Variants in CLCN3 observed in about 807,000 individuals in gnomAD.
CLCN3 encodes Cl-/H+ antiporter 3, also known as H(+)/Cl(-) exchange transporter 3.
Under a neutral mutation model 83.4 loss-of-function variants are expected in CLCN3, and 16 were observed. The ratio of observed to expected loss-of-function variants is 0.19; its 90% CI spans 0.13 to 0.29. CLCN3 has a LOEUF of 0.29. Among genes scored for constraint, CLCN3 ranks in the 10% least tolerant of loss-of-function variants. The pLI, the probability that CLCN3 is intolerant of heterozygous loss-of-function variation, is 1.00. For missense variants in CLCN3, 544 were observed against 1,006.0 expected, an observed-to-expected ratio of 0.54 and a Z score of 6.21; for synonymous variants, 322 against 346.2, an observed-to-expected ratio of 0.93 and a Z score of 0.78.
chr4:169,690,405 C>A, intron 5 of CLCN3, 125 bp from the exon 6 acceptor site: 1 of 945,700 alleles, frequency 1.1e-6, no homozygotes, highest in Non-Finnish European at 1.5e-6. Flanking sequence ...CTCAACCTCC[C>A]CAGTGCTGGG....
At chr4:169,656,227 A>G (rs1730878374) in intron 2 of CLCN3, among the ~76,000 whole-genome samples, 1 of 152,248 alleles carries the variant, frequency 6.6e-6, no homozygotes. Context: ...TAATTTATAA[A>G]GAAAAGAGAT....
intron 2 of CLCN3, among the ~76,000 whole-genome samples, chr4:169,671,590 T>TTTAA (rs1731460089): frequency 6.6e-6 from 1 of 152,172 alleles, no homozygotes; most frequent in Admixed American, 6.5e-5. Context: ...ATTCTGAACA[T>TTTAA]GTATCCCAGA....
At chr4:169,636,500 A>G (rs1385031436) in intron 2 of CLCN3, among the ~76,000 whole-genome samples, 2 of 152,152 alleles carry the variant, frequency 1.3e-5, no homozygotes, top group Non-Finnish European at 2.9e-5. Context: ...TTCCACCTTC[A>G]GTTTCAATAT....
chr4:169,698,367 C>T (rs1233121814), intron 9 of CLCN3, among the ~76,000 whole-genome samples: 1 of 152,156 alleles, frequency 6.6e-6, no homozygotes, highest in Non-Finnish European at 1.5e-5. Context: ...TGGGATCAAT[C>T]ACGCATACTG....
chr4:169,689,563 A>C (rs1732285771), intron 5 of CLCN3, among the ~76,000 whole-genome samples: 1 of 152,216 alleles, frequency 6.6e-6, no homozygotes, highest in Non-Finnish European at 1.5e-5. Context: ...AAGATTGGGA[A>C]GTTTGAATTA....
intron 1 of CLCN3, among the ~76,000 whole-genome samples, chr4:169,632,885 A>G (rs1459873196): frequency 6.6e-6 from 1 of 152,126 alleles, no homozygotes; most frequent in Admixed American, 6.5e-5. Context: ...CTTTTTGGAA[A>G]AAAAAACTGT....
intron 3 of CLCN3, among the ~76,000 whole-genome samples, chr4:169,682,291 A>T (rs78525012): frequency 6.6e-6 from 1 of 152,208 alleles, no homozygotes; most frequent in Non-Finnish European, 1.5e-5. Context: ...GACTCTAAGT[A>T]TTGGGAACCT....
intron 3 of CLCN3, chr4:169,680,493 G>C: frequency 4.0e-6 from 1 of 248,778 alleles, no homozygotes; most frequent in Non-Finnish European, 7.6e-6. Context: ...GGAGTTGGGG[G>C]GAAGAACAAG....
At chr4:169,677,214 A>G (rs1581237180) in intron 2 of CLCN3, among the ~76,000 whole-genome samples, 7 of 152,230 alleles carry the variant, frequency 4.6e-5, no homozygotes, top group Admixed American at 3.9e-4. Flanking sequence ...TATCTGCTAC[A>G]CTGTAAAGTG....
At chr4:169,660,441 TA>T in intron 2 of CLCN3, 1 of 1,368,680 alleles carries the variant, frequency 7.3e-7, no homozygotes, top group Non-Finnish European at 9.4e-7. Flanking sequence ...GGGAATTACA[TA>T]AAAGAGGTAA....
chr4:169,669,838 A>G (rs13435853), intron 2 of CLCN3, among the ~76,000 whole-genome samples: 25,090 of 152,136 alleles, frequency 0.16, 3,335 homozygotes, highest in African/African-American at 0.37. Flanking sequence ...GAAACCCAGA[A>G]ACCCATCTTT....
intron 3 of CLCN3, among the ~76,000 whole-genome samples, chr4:169,686,591 A>G (rs996707964): frequency 7.9e-5 from 12 of 151,932 alleles, no homozygotes; most frequent in Non-Finnish European, 1.8e-4. Flanking sequence ...TAATTTCTGT[A>G]TTTTTAGTAG....
intron 11 of CLCN3, among the ~76,000 whole-genome samples, chr4:169,709,617 G>A (rs2150270357): frequency 6.6e-6 from 1 of 151,860 alleles, no homozygotes; most frequent in South Asian, 2.1e-4. Context: ...CCTGGGAGGT[G>A]GAGATTGCAG....
chr4:169,641,619 T>C (rs187326564), intron 2 of CLCN3, among the ~76,000 whole-genome samples: 20 of 152,342 alleles, frequency 1.3e-4, no homozygotes, highest in Non-Finnish European at 2.4e-4. Flanking sequence ...GGTATTCTTC[T>C]GGGTGGCATA....
chr4:169,680,518 T>C (rs1398709724), intron 3 of CLCN3: 1 of 223,348 alleles, frequency 4.5e-6, no homozygotes, highest in Non-Finnish European at 8.6e-6. Flanking sequence ...GTTCCAGATA[T>C]GGAGGTCAGC....
At chr4:169,719,843 A>G in intron 12 of CLCN3, 64 bp from the exon 13 acceptor site, 4 of 1,326,666 alleles carry the variant, frequency 3.0e-6, no homozygotes, top group Non-Finnish European at 4.2e-6. Context: ...ATTTAGCTAT[A>G]GATTTAGCTT....
intron 1 of CLCN3, among the ~76,000 whole-genome samples, chr4:169,633,335 A>G (rs1773426769): frequency 6.6e-6 from 1 of 152,216 alleles, no homozygotes. Context: ...ATAATTTTGT[A>G]AGAATATATT....
intron 11 of CLCN3, among the ~76,000 whole-genome samples, chr4:169,709,001 T>G (rs1267544331): frequency 1.3e-5 from 2 of 148,366 alleles, no homozygotes; most frequent in African/African-American, 2.4e-5. Context: ...ATGGGAGAGA[T>G]ATATATTTCT....
intron 1 of CLCN3, among the ~76,000 whole-genome samples, chr4:169,622,355 G>A (rs1419796365): frequency 6.6e-6 from 1 of 152,110 alleles, no homozygotes; most frequent in South Asian, 2.1e-4. Context: ...GGTCATGTTA[G>A]TGGTAGGCTT....
Sources: allele counts gnomAD v4.1 joint callset (sites outside exome capture counted in the v4.1 genomes callset), GRCh38; gene constraint gnomAD v4.1.1; transcripts MANE v1.5; gene names NCBI Gene and HGNC (gene_info 2026-07-23, HGNC 2026-07-21).